The following PDE4B variants were observed in gnomAD, a reference collection of about 807,000 sequenced individuals.
The protein encoded by PDE4B is phosphodiesterase 4B.
In PDE4B, 20 loss-of-function variants were observed where a neutral mutation model predicts 82.2. The ratio of observed to expected loss-of-function variants is 0.24; its 90% CI spans 0.17 to 0.35. The LOEUF (loss-of-function observed/expected upper bound fraction) is 0.35, where lower values mean the gene tolerates loss of function less well. Among genes scored for constraint, PDE4B ranks in the 10% least tolerant of loss-of-function variants. The probability of loss-of-function intolerance (pLI) is 1.00; values close to 1 mark genes in which losing one functional copy is unlikely to be tolerated. For synonymous variants in PDE4B, 320 were observed against 318.9 expected (o/e 1.00, Z -0.04); for missense variants, 655 against 907.2 (o/e 0.72, Z 3.57).
chr1:66,004,447 A>G (rs551649275), intron 3 of PDE4B, among the ~76,000 whole-genome samples: 5 of 152,164 alleles, frequency 3.3e-5, no homozygotes, highest in Admixed American at 1.3e-4. Context: ...TAAAATAAAA[A>G]GTAATAAATC....
chr1:66,064,095 C>T (rs372563019), intron 3 of PDE4B, among the ~76,000 whole-genome samples: 205 of 152,036 alleles, frequency 1.3e-3, no homozygotes, highest in African/African-American at 4.0e-3. Flanking sequence ...TATGATTAAA[C>T]GGAAGTAGAT....
At chr1:65,855,692 G>A (rs185619633) in intron 1 of PDE4B, among the ~76,000 whole-genome samples, 9 of 152,226 alleles carry the variant, frequency 5.9e-5, no homozygotes, top group African/African-American at 1.2e-4. Flanking sequence ...TGGAGCCCCC[G>A]CTTTTTCCTA....
At chr1:66,347,423 G>A (rs764035870) in intron 8 of PDE4B, among the ~76,000 whole-genome samples, 9 of 152,146 alleles carry the variant, frequency 5.9e-5, no homozygotes, top group Non-Finnish European at 8.8e-5. Flanking sequence ...CCTCCAACCT[G>A]TTACAAATTT....
chr1:66,277,741 G>T (rs1265261659), intron 7 of PDE4B, among the ~76,000 whole-genome samples: 1 of 152,178 alleles, frequency 6.6e-6, no homozygotes, highest in Non-Finnish European at 1.5e-5. Flanking sequence ...CCAAGTCTGG[G>T]TTAGTGACAT....
At chr1:65,984,957 A>C (rs1650881486) in intron 3 of PDE4B, among the ~76,000 whole-genome samples, 1 of 152,106 alleles carries the variant, frequency 6.6e-6, no homozygotes, top group Non-Finnish European at 1.5e-5. Context: ...AAATTCTAGG[A>C]CTTTATAGCA....
Position 66,311,515 on chromosome 1 carries a change from C to G in PDE4B, c.635-20993C>G, listed in dbSNP as rs987215108. 4.6e-5 allele frequency among the ~76,000 whole-genome samples: 7 copies of G among 152,222 alleles called. No homozygotes were observed. The East Asian group carries it at 7.7e-4, about 17-fold the overall frequency. On this transcript the variant is annotated intron_variant, in intron 7 of 16. Coordinates refer to ENST00000341517, the MANE Select transcript of PDE4B (RefSeq NM_002600.4). ...GAGGCCTTTGCTTTCAATATGTTTA[C>G]TATGCAGAAGGGAGGTTAGAATCCA...
chr1:65,938,606 CAGACATGTACATTA>C (rs1187526614), intron 3 of PDE4B, among the ~76,000 whole-genome samples: 5 of 152,092 alleles, frequency 3.3e-5, no homozygotes, highest in African/African-American at 1.2e-4. Context: ...GTAGAAAAGG[CAGACATGTACATTA>C]AAAAATTATA....
chr1:65,826,068 G>A (rs1306509697), intron 1 of PDE4B, among the ~76,000 whole-genome samples: 1 of 151,880 alleles, frequency 6.6e-6, no homozygotes, highest in African/African-American at 2.4e-5. Context: ...GTCCCTTTAG[G>A]GAGTTTTAAC....
Position 65,883,889 on chromosome 1 carries a change from G to A in PDE4B, c.-70-29356G>A, listed in dbSNP as rs571311111. Among the ~76,000 whole-genome samples, 16 of 152,228 alleles carry A rather than the reference G, an allele frequency of 1.1e-4. No homozygotes were observed. In the East Asian group the frequency reaches 2.7e-3, roughly 26 times the overall value. The stretch of plus-strand genomic sequence containing the variant: ...GAATGGCCGTTGAATTTTGTCAAAG[G>A]CCTTTTCTGCATCTATTGAGATAAT... On this transcript the variant is annotated intron_variant, in intron 1 of 16. Coordinates refer to ENST00000341517, the MANE Select transcript of PDE4B (RefSeq NM_002600.4).
At chr1:66,226,202 C>G (rs952635) in intron 3 of PDE4B, among the ~76,000 whole-genome samples, 2 of 152,108 alleles carry the variant, frequency 1.3e-5, no homozygotes, top group East Asian at 1.9e-4. Flanking sequence ...TATTATCTTT[C>G]TATCTCTTGT....
intron 1 of PDE4B, 148 bp from the exon 2 acceptor site, chr1:65,913,097 A>G (rs1461074552): frequency 9.3e-6 from 4 of 427,846 alleles, no homozygotes; most frequent in Non-Finnish European, 1.7e-5. Flanking sequence ...TTTTCTCAGC[A>G]TATCAAACTT....
rs564102765 is a variant in PDE4B at position 66,166,600 on chromosome 1, G to A, written c.282-80860G>A. Reference sequence around the variant, plus strand: ...AATAAAAAAGTTAGCCGGGCATGGTGGCGTGCACCTGTAATCTAAGCTACT... The same window carrying A: ...AATAAAAAAGTTAGCCGGGCATGGTAGCGTGCACCTGTAATCTAAGCTACT... On this transcript the variant is annotated intron_variant, in intron 3 of 16. Coordinates refer to ENST00000341517, the MANE Select transcript of PDE4B (RefSeq NM_002600.4). Among the ~76,000 whole-genome samples the A allele has an allele frequency of 3.9e-5, 6 of 152,168 alleles. No individual in the cohort carries two copies. The South Asian group carries it at 1.2e-3, about 32-fold the overall frequency.
At chr1:66,013,900 A>C (rs546710081) in intron 3 of PDE4B, among the ~76,000 whole-genome samples, 16 of 152,246 alleles carry the variant, frequency 1.1e-4, no homozygotes, top group African/African-American at 3.8e-4. Flanking sequence ...ATCATTTGAC[A>C]TTCCCACCAA....
At chr1:65,915,848 C>T (rs1647154064) in intron 2 of PDE4B, among the ~76,000 whole-genome samples, 1 of 152,074 alleles carries the variant, frequency 6.6e-6, no homozygotes, top group Non-Finnish European at 1.5e-5. Context: ...TACGTTGTTT[C>T]CTTAGGGATT....
rs965704645 is a variant in PDE4B at position 65,895,961 on chromosome 1, A to C, written c.-70-17284A>C. 9.5e-5 allele frequency among the ~76,000 whole-genome samples: 14 copies of C among 147,808 alleles called. 1 individual carries two copies. In the East Asian group the frequency reaches 2.7e-3, roughly 29 times the overall value. On this transcript the variant is annotated intron_variant, in intron 1 of 16. Transcript: ENST00000341517. The stretch of plus-strand genomic sequence containing the variant: ...AATAATAATAATAATAATAATAATA[A>C]TAATAATACTTCAAATTATTTATAG...
At chr1:66,202,033 T>A (rs1198381915) in intron 3 of PDE4B, among the ~76,000 whole-genome samples, 1 of 152,202 alleles carries the variant, frequency 6.6e-6, no homozygotes, top group African/African-American at 2.4e-5. Context: ...TCCCACAGAT[T>A]CTGGTATGTT....
intron 3 of PDE4B, among the ~76,000 whole-genome samples, chr1:66,097,650 C>T (rs1361333196): frequency 6.6e-6 from 1 of 151,286 alleles, no homozygotes; most frequent in Non-Finnish European, 1.5e-5. Context: ...ATACTTTTTT[C>T]TTCCATTATT....
At chr1:66,129,143 A>C (rs143668036) in intron 3 of PDE4B, among the ~76,000 whole-genome samples, 1,913 of 152,308 alleles carry the variant, frequency 0.013, 23 homozygotes, top group Non-Finnish European at 0.021. Flanking sequence ...GCATCTAGAG[A>C]CGTTGTGTTA....
chr1:66,031,013 T>C (rs1200727501), intron 3 of PDE4B, among the ~76,000 whole-genome samples: 1 of 152,212 alleles, frequency 6.6e-6, no homozygotes, highest in African/African-American at 2.4e-5. Flanking sequence ...TTGGATATTA[T>C]GCTTTCTGCC....
Sources: gnomAD v4.1 joint callset for allele counts (sites outside exome capture counted in the v4.1 genomes callset) on GRCh38, gnomAD v4.1.1 for gene constraint, MANE v1.5 for transcripts, NCBI Gene and HGNC (gene_info 2026-07-23, HGNC 2026-07-21) for gene names.